The following AKNA variants were observed in gnomAD, a reference collection of about 807,000 sequenced individuals.
AKNA encodes microtubule organization protein AKNA.
Under a neutral mutation model 138.8 loss-of-function variants are expected in AKNA, and 67 were observed. The ratio of observed to expected loss-of-function variants is 0.48; its 90% confidence interval spans 0.40 to 0.59. The LOEUF (loss-of-function observed/expected upper bound fraction) is 0.59. Among genes scored for constraint, AKNA ranks in the 20% least tolerant of loss-of-function variants. AKNA has a pLI of 0.00. For synonymous variants in AKNA, 737 were observed against 754.4 expected, an observed-to-expected ratio of 0.98 and a Z score of 0.38; for missense variants, 1,813 against 1,880.4, an observed-to-expected ratio of 0.96 and a Z score of 0.66.
chr9:114,370,697 A>T (rs1832711136), intron 4 of AKNA, among the ~76,000 whole-genome samples: 1 of 152,186 alleles, frequency 6.6e-6, no homozygotes, highest in Non-Finnish European at 1.5e-5. Context: ...AGGACTAGTG[A>T]ATTTGGGAAA....
chr9:114,344,591 C>T (rs141539832), intron 18 of AKNA: 196 of 152,248 alleles, frequency 1.3e-3, no homozygotes, highest in Non-Finnish European at 2.2e-3. Flanking sequence ...TTTCCCGACG[C>T]GACAGATGAG....
At chr9:114,373,305 T>C (rs1016762430) in intron 4 of AKNA, among the ~76,000 whole-genome samples, 1 of 151,478 alleles carries the variant, frequency 6.6e-6, no homozygotes, top group Non-Finnish European at 1.5e-5. Context: ...GCTGGGGTGG[T>C]GGGTTCCCCC....
In AKNA at chr9:114,342,800, C is replaced by T. The variant is rs371414534; in HGVS notation, c.3758-675G>A. 7.8e-4 allele frequency among the ~76,000 whole-genome samples: 103 copies of T among 131,692 alleles called. 1 individual carries two copies. In the East Asian group the frequency reaches 0.022, roughly 28 times the overall value. The allele number at this position is 131,692 out of a possible 152,430, so 86.4% of individuals were successfully genotyped here. A position where few individuals can be genotyped will look rare whatever the true frequency, so the allele number is the denominator to read the frequency against. ...TCGTGCTCCCCTACCCCAGCTTTGG[C>T]CACTCTGCTTTGTTGTGTGTTCCTT... On this transcript the variant is annotated intron_variant, in intron 19 of 21. Transcript: ENST00000374088.
chr9:114,343,938 G>A (rs761258691), intron 18 of AKNA, 135 bp from the exon 19 acceptor site: 34 of 735,568 alleles, frequency 4.6e-5, no homozygotes, highest in Non-Finnish European at 6.8e-5. Flanking sequence ...TGTGCACACG[G>A]TGAGTGTGCA....
At chr9:114,346,571 C>T in intron 17 of AKNA, 98 bp downstream of exon 17, 1 of 967,062 alleles carries the variant, frequency 1.0e-6, no homozygotes. Context: ...AACCCTTCTC[C>T]AAGTTTCCTT....
Position 114,387,976 on chromosome 9 carries a change from C to A in AKNA, c.-230G>T. On this transcript the variant is annotated 5_prime_UTR_variant, in exon 1 of 22. Transcript: ENST00000374088. ...CATTGCGCCCTGGCCCACCTCCAGGCCGTTCTGCCAGCCCAAGCTGCTGCT... is the reference window on the plus strand; with the variant it reads ...CATTGCGCCCTGGCCCACCTCCAGGACGTTCTGCCAGCCCAAGCTGCTGCT... The A allele has an allele frequency of 7.2e-6, 3 of 418,130 alleles. No homozygotes were observed. The highest frequency in any genetic ancestry group is 1.6e-5 in the South Asian group (1 of 60,664). 25.9% of individuals were successfully genotyped at this position (418,130 alleles called of 1,614,324 possible). A position where few individuals can be genotyped will look rare whatever the true frequency, so the allele number is the denominator to read the frequency against.
Position 114,350,935 on chromosome 9 carries a change from CG to C in AKNA, c.3144del (p.Ala1049ProfsTer123). On this transcript the variant is annotated frameshift_variant, in exon 15 of 22. Coordinates refer to ENST00000374088, the MANE Select transcript of AKNA (RefSeq NM_001317950.2). LOFTEE classifies it high-confidence loss of function. ...PNKTISPPPA[P>X]APAAAPLPCG... ...CAGGGTAGAGGCGCAGCGGCAGGGG[CG>C]GGGGCTGGGGGTGGGCTGATTGTCT... 1 of 806,046 alleles carries C rather than the reference CG, an allele frequency of 1.2e-6. No individual in the cohort carries two copies. Among genetic ancestry groups the C allele is most frequent in the Non-Finnish European group, 2.0e-6 (1 of 509,016 alleles). The allele number at this position is 806,046 out of a possible 1,614,324, so 49.9% of individuals were successfully genotyped here.
chr9:114,378,850 G>A (rs1484239929), intron 2 of AKNA, among the ~76,000 whole-genome samples: 3 of 152,154 alleles, frequency 2.0e-5, no homozygotes, highest in Non-Finnish European at 4.4e-5. Context: ...GTTGACCTCA[G>A]GGATAAGTCC....
chr9:114,381,506 A>C, intron 1 of AKNA, 60 bp from the exon 2 acceptor site: 1 of 1,291,210 alleles, frequency 7.7e-7, no homozygotes, highest in South Asian at 2.6e-5. Context: ...TTTTATTCGG[A>C]ACAAGAAGTT....
chr9:114,353,956 G>A (rs1486887576), intron 14 of AKNA, among the ~76,000 whole-genome samples: 1 of 152,178 alleles, frequency 6.6e-6, no homozygotes, highest in African/African-American at 2.4e-5. Context: ...ACTGTACACT[G>A]CTGTAGACTT....
In AKNA at chr9:114,347,880, T is replaced by C. The variant is rs145218351; in HGVS notation, c.3242A>G (p.Gln1081Arg). 1,266 of 1,551,986 alleles carry C rather than the reference T, an allele frequency of 8.2e-4. 12 individuals carry two copies. In the African/African-American group the frequency reaches 0.015, roughly 19 times the overall value. ...CAGACGAAGCCGGGACACCTCTTCT[T>C]GCAGCTCACAGATGGCCTGGCTGGG... is the stretch of plus-strand genomic sequence containing the variant. ...AGRDQAICEL[Q>R]EEVSRLRLRL... Residue 1081 changes from glutamine to arginine, a missense_variant, in exon 16 of 22, where the codon CAA becomes CGA. Transcript: ENST00000374088.
At position 114,350,871 on chromosome 9, in the gene AKNA, CTGGTGA is replaced by C; in HGVS notation, c.3203_3208del (p.Leu1068_Thr1069del). On this transcript the variant is annotated inframe_deletion, in exon 15 of 22. Transcript: ENST00000374088. ...GTGTCTAACTTACTCTCGCCCTGCC[CTGGTGA>C]GCAGGAAGCTGGGGATGGTCTCTGT... 6.4e-7 allele frequency: 1 copy of C among 1,571,946 alleles called. No individual in the cohort carries two copies. The highest frequency in any genetic ancestry group is 8.6e-7 in the Non-Finnish European group (1 of 1,158,840).
At chr9:114,393,426 T>C (rs10817599) in intron 1 of AKNA, among the ~76,000 whole-genome samples, 65,773 of 149,128 alleles carry the variant, frequency 0.44, 15,553 homozygotes, top group South Asian at 0.54. Flanking sequence ...AGGGTTTCAC[T>C]GTGTTAGCCA....
rs1015460196 is a variant in AKNA, at chr9:114,374,145, G to T, written c.1364C>A (p.Thr455Asn). ...GGTGTTCTCGGCCTCAGCGTACTTG[G>T]TGAGGAGCCTGTGGTAGTCTTCCTG... ...QLQEDYHRLL[T>N]KYAEAENTID... The change falls in exon 4 of 22, where the codon ACC becomes AAC. Residue 455 changes from threonine to asparagine, a missense_variant. Coordinates refer to ENST00000374088, the MANE Select transcript of AKNA (RefSeq NM_001317950.2). 1.3e-6 allele frequency: 2 copies of T among 1,558,876 alleles called. No individual in the cohort carries two copies. Among genetic ancestry groups the T allele is most frequent in the Non-Finnish European group, 1.7e-6 (2 of 1,150,794 alleles).
At position 114,348,038 on chromosome 9, in the gene AKNA, A is replaced by G. The variant is rs562428641; in HGVS notation, c.3222-138T>C. On this transcript the variant is annotated intron_variant, in intron 15 of 21. Transcript: ENST00000374088. ...TCTATCTCTGCTGTCAAACGATTCTAGAACTTTCCTGTGCGACACTTTTCT... is the reference window on the plus strand; with the variant it reads ...TCTATCTCTGCTGTCAAACGATTCTGGAACTTTCCTGTGCGACACTTTTCT... 3.7e-4 allele frequency: 350 copies of G among 950,566 alleles called. 3 individuals carry two copies. In the African/African-American group the frequency reaches 5.7e-3, roughly 15 times the overall value. The allele number at this position is 950,566 out of a possible 1,614,324, so 58.9% of individuals were successfully genotyped here.
intron 1 of AKNA, chr9:114,383,263 C>G: frequency 4.4e-6 from 2 of 454,124 alleles, no homozygotes; most frequent in Non-Finnish European, 8.9e-6. Context: ...GCTGCCTTCC[C>G]TCAACCCTCT....
intron 4 of AKNA, among the ~76,000 whole-genome samples, chr9:114,369,314 AAAG>A (rs1214864465): frequency 6.6e-6 from 1 of 152,228 alleles, no homozygotes; most frequent in Non-Finnish European, 1.5e-5. Context: ...CTGTTTTTGT[AAAG>A]AAGGTTTTAT....
intron 11 of AKNA, chr9:114,358,441 G>A (rs1831666746): frequency 2.3e-6 from 1 of 432,308 alleles, no homozygotes; most frequent in Non-Finnish European, 4.1e-6. Flanking sequence ...CCAGACTTAA[G>A]GAGTTTGCAT....
intron 3 of AKNA, among the ~76,000 whole-genome samples, chr9:114,375,498 G>A (rs1388296100): frequency 6.6e-6 from 1 of 152,194 alleles, no homozygotes; most frequent in Non-Finnish European, 1.5e-5. Flanking sequence ...AGAGAGATCT[G>A]AATGCGGGTG....
Sources: allele counts gnomAD v4.1 joint callset (sites outside exome capture counted in the v4.1 genomes callset), GRCh38; gene constraint gnomAD v4.1.1; transcripts MANE v1.5; gene names NCBI Gene and HGNC (gene_info 2026-07-23, HGNC 2026-07-21).